Variants in AUTS2 observed in about 807,000 individuals in gnomAD.
AUTS2 encodes activator of transcription and developmental regulator AUTS2.
A neutral mutation model predicts 112.4 loss-of-function variants in AUTS2; 17 were observed. That is an observed-to-expected ratio of 0.15 (90% CI 0.10 to 0.23). The LOEUF is 0.23. Among genes scored for constraint, AUTS2 ranks in the 10% least tolerant of loss-of-function variants. The probability of loss-of-function intolerance (pLI) is 1.00; values close to 1 mark genes in which losing one functional copy is unlikely to be tolerated. For synonymous variants in AUTS2, 751 were observed against 702.7 expected, an observed-to-expected ratio of 1.07 and a Z score of -1.09; for missense variants, 1,510 against 1,701.6, an observed-to-expected ratio of 0.89 and a Z score of 1.98.
intron 5 of AUTS2, among the ~76,000 whole-genome samples, chr7:70,494,310 T>C (rs1172725232): frequency 6.6e-6 from 1 of 152,156 alleles, no homozygotes; most frequent in African/African-American, 2.4e-5. Flanking sequence ...ACTACATTTA[T>C]TTTACAGATA....
chr7:70,296,554 C>T (rs1392821617), intron 4 of AUTS2, among the ~76,000 whole-genome samples: 1 of 152,144 alleles, frequency 6.6e-6, no homozygotes, highest in Non-Finnish European at 1.5e-5. Context: ...CATCTTCCCA[C>T]ATCGTGAGAT....
chr7:70,031,009 A>G (rs185699415), intron 2 of AUTS2, among the ~76,000 whole-genome samples: 46 of 152,258 alleles, frequency 3.0e-4, no homozygotes, highest in East Asian at 3.9e-4. Context: ...ACAAAATGCT[A>G]TTCTTTTACT....
chr7:70,122,865 CTTTTT>C (rs11297258), intron 3 of AUTS2, among the ~76,000 whole-genome samples: 1 of 93,062 alleles, frequency 1.1e-5, no homozygotes, highest in South Asian at 3.9e-4. Context: ...GAGATGAAAG[CTTTTT>C]TTTTTTTTTT....
At chr7:70,064,649 A>G (rs1475592696) in intron 2 of AUTS2, among the ~76,000 whole-genome samples, 1 of 152,164 alleles carries the variant, frequency 6.6e-6, no homozygotes, top group Non-Finnish European at 1.5e-5. Flanking sequence ...AATTAGACAT[A>G]AAGACTTAAA....
chr7:70,758,514 C>G (rs1314218402), intron 6 of AUTS2, among the ~76,000 whole-genome samples: 1 of 152,168 alleles, frequency 6.6e-6, no homozygotes, highest in Admixed American at 6.5e-5. Context: ...AATTTACATG[C>G]AATAAACTCA....
At chr7:69,926,769 T>C (rs1796031381) in intron 2 of AUTS2, among the ~76,000 whole-genome samples, 2 of 147,062 alleles carry the variant, frequency 1.4e-5, no homozygotes, top group South Asian at 4.2e-4. Context: ...ATATACACTA[T>C]ATATAATAAA....
intron 4 of AUTS2, among the ~76,000 whole-genome samples, chr7:70,307,332 G>A (rs971918651): frequency 3.3e-5 from 5 of 152,188 alleles, no homozygotes; most frequent in African/African-American, 1.2e-4. Context: ...CACCTGAAGT[G>A]CAAGCATCCA....
chr7:69,683,981 C>T (rs574382777), intron 1 of AUTS2, among the ~76,000 whole-genome samples: 1 of 152,064 alleles, frequency 6.6e-6, no homozygotes, highest in African/African-American at 2.4e-5. Flanking sequence ...CATAATGGAA[C>T]CTCCCTAAAT....
intron 2 of AUTS2, among the ~76,000 whole-genome samples, chr7:70,017,538 T>C (rs1282876294): frequency 4.6e-5 from 7 of 152,218 alleles, no homozygotes; most frequent in Non-Finnish European, 8.8e-5. Flanking sequence ...CCGTGACTTG[T>C]GCAAACAAGA....
chr7:70,757,528 G>T (rs577197609), intron 6 of AUTS2, among the ~76,000 whole-genome samples: 22 of 152,172 alleles, frequency 1.4e-4, no homozygotes, highest in African/African-American at 5.3e-4. Flanking sequence ...GATACCTTTT[G>T]GGAGGGGAGG....
intron 4 of AUTS2, among the ~76,000 whole-genome samples, chr7:70,410,432 T>TTATTTATTTATC (rs1201616575): frequency 6.9e-6 from 1 of 144,346 alleles, no homozygotes; most frequent in African/African-American, 2.7e-5. Context: ...ATTTATTTAT[T>TTATTTATTTATC]TATTTATTTA....
At chr7:69,690,529 G>A (rs891795508) in intron 1 of AUTS2, among the ~76,000 whole-genome samples, 2 of 152,152 alleles carry the variant, frequency 1.3e-5, no homozygotes, top group African/African-American at 4.8e-5. Context: ...TGCAGGGTCC[G>A]GCCACTGGCA....
intron 5 of AUTS2, among the ~76,000 whole-genome samples, chr7:70,485,235 G>A (rs1046097323): frequency 6.6e-6 from 1 of 152,092 alleles, no homozygotes; most frequent in Non-Finnish European, 1.5e-5. Context: ...CAAACTAAAT[G>A]CCCATCAATC....
At chr7:70,548,113 A>G (rs1044723801) in intron 5 of AUTS2, among the ~76,000 whole-genome samples, 7 of 152,150 alleles carry the variant, frequency 4.6e-5, no homozygotes, top group Admixed American at 2.6e-4. Context: ...ATTTCCGTAT[A>G]CATTTTCATA....
chr7:70,445,682 C>T (rs182609930), intron 5 of AUTS2, among the ~76,000 whole-genome samples: 1 of 152,298 alleles, frequency 6.6e-6, no homozygotes, highest in Admixed American at 6.5e-5. Flanking sequence ...ATGTAGGCTA[C>T]ACCAGTCGGT....
intron 5 of AUTS2, among the ~76,000 whole-genome samples, chr7:70,443,785 G>T (rs1796210714): frequency 6.6e-6 from 1 of 152,152 alleles, no homozygotes; most frequent in Non-Finnish European, 1.5e-5. Context: ...TAACTCTGAT[G>T]GAACTGTCAC....
At chr7:70,328,431 AG>A (rs1361751778) in intron 4 of AUTS2, among the ~76,000 whole-genome samples, 1 of 152,004 alleles carries the variant, frequency 6.6e-6, no homozygotes, top group African/African-American at 2.4e-5. Flanking sequence ...TTTGTTGCCT[AG>A]GCTGGTCTTG....
At chr7:70,584,933 C>T (rs1802614676) in intron 5 of AUTS2, among the ~76,000 whole-genome samples, 1 of 152,238 alleles carries the variant, frequency 6.6e-6, no homozygotes. Context: ...AACCTCTGCA[C>T]CCTGCTTTTC....
At chr7:70,005,403 G>T (rs955598019) in intron 2 of AUTS2, among the ~76,000 whole-genome samples, 1 of 152,184 alleles carries the variant, frequency 6.6e-6, no homozygotes, top group African/African-American at 2.4e-5. Flanking sequence ...TGTCTGGCAT[G>T]TAGTAGTGAT....
Sources: allele counts gnomAD v4.1 joint callset (sites outside exome capture counted in the v4.1 genomes callset), GRCh38; gene constraint gnomAD v4.1.1; transcripts MANE v1.5; gene names NCBI Gene and HGNC (gene_info 2026-07-23, HGNC 2026-07-21).